ZSCAN18: variants seen among roughly 807,000 people sequenced by gnomAD.
ZSCAN18 encodes the protein zinc finger and SCAN domain-containing protein 18.
A neutral mutation model predicts 31.1 loss-of-function variants in ZSCAN18; 16 were observed. The ratio of observed to expected loss-of-function variants is 0.51; its 90% CI spans 0.35 to 0.78. ZSCAN18 has a LOEUF of 0.78. ZSCAN18 is among the 30% of genes least tolerant of loss of function. ZSCAN18 has a pLI of 0.01. For synonymous variants in ZSCAN18, 375 were observed against 320.7 expected (o/e 1.17, Z -1.81); for missense variants, 731 against 697.4 (o/e 1.05, Z -0.54).
At chr19:58,085,708 T>C in intron 6 of ZSCAN18, 1 of 408,298 alleles carries the variant, frequency 2.4e-6, no homozygotes, top group South Asian at 3.8e-5. Context: ...AGATGCACGA[T>C]GCAAGGAGAG....
chr19:58,085,701 T>G (rs1319119762), intron 6 of ZSCAN18: 9 of 418,816 alleles, frequency 2.1e-5, no homozygotes, highest in Non-Finnish European at 3.4e-5. Flanking sequence ...GGCCACAAGA[T>G]GCACGATGCA....
At chr19:58,098,793 C>G (rs925900125), upstream of ZSCAN18, among the ~76,000 whole-genome samples, 7 of 152,174 alleles carry the variant, frequency 4.6e-5, no homozygotes, top group South Asian at 2.1e-4. Flanking sequence ...GACAGAGATA[C>G]AGAGACAGGG....
At position 58,084,727 on chromosome 19, in the gene ZSCAN18, C is replaced by A; in HGVS notation, c.1491G>T (p.Val497=). Reference sequence around the variant, plus strand: ...GGGGTGCGGGGGGAGCCTCGCCCTCCACGCTCTCTGGGGGACCGCCCGCCC... The same window carrying A: ...GGGGTGCGGGGGGAGCCTCGCCCTCAACGCTCTCTGGGGGACCGCCCGCCC... ...GARAGGPPES[V]EGEAPPAPPE... Residue 497 remains valine, a synonymous_variant, in exon 7 of 7, where the codon GTG becomes GTT. Transcript: ENST00000601144. This position sits in a 1 kb window ranked among gnomAD's most constrained non-coding sequence, Gnocchi z 4.5. 1 of 1,528,312 alleles carries A rather than the reference C, an allele frequency of 6.5e-7. No homozygotes were observed. The highest frequency in any genetic ancestry group is 8.7e-7 in the Non-Finnish European group (1 of 1,147,602). The allele number at this position is 1,528,312 out of a possible 1,614,324, so 94.7% of individuals were successfully genotyped here.
At chr19:58,117,126 T>C (rs34521752) in intron 1 of ZSCAN18, among the ~76,000 whole-genome samples, 72 of 152,208 alleles carry the variant, frequency 4.7e-4, no homozygotes, top group Non-Finnish European at 8.7e-4. Flanking sequence ...ATTCTGGAAA[T>C]ATCTTAAAGG....
At position 58,084,454 on chromosome 19, in the gene ZSCAN18, G is replaced by A. The variant is rs756282210; in HGVS notation, c.*231C>T. The A allele has an allele frequency of 6.8e-6, 3 of 443,918 alleles. No homozygotes were observed. The highest frequency in any genetic ancestry group is 1.2e-5 in the Non-Finnish European group (3 of 255,442). 27.5% of individuals were successfully genotyped at this position (443,918 alleles called of 1,614,324 possible). A position where few individuals can be genotyped will look rare whatever the true frequency, so the allele number is the denominator to read the frequency against. On this transcript the variant is annotated 3_prime_UTR_variant, in exon 7 of 7. Coordinates refer to ENST00000601144, the MANE Select transcript of ZSCAN18 (RefSeq NM_001145543.2). This position sits in a 1 kb window ranked among gnomAD's most constrained non-coding sequence, Gnocchi z 4.5. Reference sequence around the variant, plus strand: ...AGCCGAGTCTTCTTCCACATCCGGCGGCTCCCCTCGGATGCGAGCGCTGGC... The same window carrying A: ...AGCCGAGTCTTCTTCCACATCCGGCAGCTCCCCTCGGATGCGAGCGCTGGC...
In ZSCAN18 at chr19:58,085,040, C is replaced by A; in HGVS notation, c.1178G>T (p.Gly393Val). 2 of 1,595,430 alleles carry A rather than the reference C, an allele frequency of 1.3e-6. No individual in the cohort carries two copies. Among genetic ancestry groups the A allele is most frequent in the Non-Finnish European group, 8.5e-7 (1 of 1,170,450 alleles). ...EGVSSSGDSA[G>V]LEAGQGPGAD... is the part of the protein sequence containing the mutation. ...CCCAGGGCCCTGCCCGGCCTCCAGC[C>A]CTGCGCTGTCGCCGGAGCTAGAGAC... Residue 393 changes from glycine to valine, a missense_variant, in exon 7 of 7, where the codon GGG becomes GTG. By Grantham distance (109) the Gly-to-Val change is moderately radical. Around this residue, in one of 4 missense-constraint regions of ZSCAN18, gnomAD observed 597 missense variants for 499.5 expected, o/e 1.20. Coordinates refer to ENST00000601144, the MANE Select transcript of ZSCAN18 (RefSeq NM_001145543.2).
In ZSCAN18 at chr19:58,090,394, G is replaced by T. The variant is rs762624566; in HGVS notation, c.-119-8C>A. The T allele has an allele frequency of 9.8e-6, 15 of 1,531,328 alleles. No individual in the cohort carries two copies. Among genetic ancestry groups the T allele is most frequent in the Non-Finnish European group, 1.3e-5 (15 of 1,135,786 alleles). The allele number at this position is 1,531,328 out of a possible 1,614,324, so 94.9% of individuals were successfully genotyped here. A position where few individuals can be genotyped will look rare whatever the true frequency, so the allele number is the denominator to read the frequency against. The stretch of plus-strand genomic sequence containing the variant: ...GTGCCAGAACCCACAGACCTGCAGA[G>T]GACACGGACAAGGCAATGGCCTTGC... On this transcript the variant is annotated splice_region_variant and splice_polypyrimidine_tract_variant and intron_variant, in intron 1 of 6. Coordinates refer to ENST00000601144, the MANE Select transcript of ZSCAN18 (RefSeq NM_001145543.2). This position sits in a 1 kb window ranked among gnomAD's most constrained non-coding sequence, Gnocchi z 4.7.
At chr19:58,085,472 G>C in intron 6 of ZSCAN18, 93 bp from the exon 7 acceptor site, 1 of 1,146,650 alleles carries the variant, frequency 8.7e-7, no homozygotes, top group Non-Finnish European at 1.2e-6. Flanking sequence ...ACAGCGCACA[G>C]GGCTCCGGGC....
intron 1 of ZSCAN18, among the ~76,000 whole-genome samples, chr19:58,116,881 G>C (rs1024487144): frequency 3.3e-5 from 5 of 152,116 alleles, no homozygotes; most frequent in Non-Finnish European, 5.9e-5. Context: ...CTAAATTCTG[G>C]AAATATCTTT....
At chr19:58,102,940 T>G (rs1166731038), upstream of ZSCAN18, among the ~76,000 whole-genome samples, 4 of 152,084 alleles carry the variant, frequency 2.6e-5, no homozygotes, top group Admixed American at 1.3e-4. Context: ...AAGACCAGCC[T>G]GGCAAAACCT....
intron 1 of ZSCAN18, among the ~76,000 whole-genome samples, chr19:58,095,614 C>T (rs774850954): frequency 2.0e-5 from 3 of 152,152 alleles, no homozygotes; most frequent in Non-Finnish European, 2.9e-5. Flanking sequence ...GTGGAGGCAT[C>T]GGGGTCTAGG....
In ZSCAN18 at chr19:58,085,207, G is replaced by A; in HGVS notation, c.1011C>T (p.Asp337=). The A allele has an allele frequency of 1.2e-6, 2 of 1,609,120 alleles. No homozygotes were observed. The highest frequency in any genetic ancestry group is 1.7e-6 in the Non-Finnish European group (2 of 1,179,368). The change falls in exon 7 of 7, where the codon GAC becomes GAT. Residue 337 remains aspartate, a synonymous_variant. Coordinates refer to ENST00000601144, the MANE Select transcript of ZSCAN18 (RefSeq NM_001145543.2). ...EQPGKAPDPQ[D]PQDAESDSAT... is the part of the protein sequence containing the mutation. ...CAGAGTCGGACTCCGCGTCCTGGGG[G>A]TCCTGCGGGTCCGGGGCCTTCCCAG... is the stretch of plus-strand genomic sequence containing the variant.
At chr19:58,116,581 C>T (rs1433044187) in intron 1 of ZSCAN18, among the ~76,000 whole-genome samples, 1 of 152,116 alleles carries the variant, frequency 6.6e-6, no homozygotes, top group Non-Finnish European at 1.5e-5. Context: ...ATCCACTGCC[C>T]ACAACTCAAA....
upstream of ZSCAN18, among the ~76,000 whole-genome samples, chr19:58,100,108 G>A (rs138065176): frequency 4.5e-3 from 671 of 150,528 alleles, 2 homozygotes; most frequent in Non-Finnish European, 7.2e-3. Context: ...ACAGGTGTGC[G>A]CTACCATACC....
upstream of ZSCAN18, among the ~76,000 whole-genome samples, chr19:58,101,396 G>A (rs1211528799): frequency 6.9e-6 from 1 of 143,888 alleles, no homozygotes; most frequent in Non-Finnish European, 1.5e-5. Flanking sequence ...TGATCCACCC[G>A]CCTTGGCCTC....
upstream of ZSCAN18, among the ~76,000 whole-genome samples, chr19:58,100,824 G>A (rs761487031): frequency 2.6e-5 from 4 of 151,648 alleles, no homozygotes; most frequent in Non-Finnish European, 5.9e-5. Context: ...GCAGTGAGTT[G>A]AGATCGCACC....
At chr19:58,100,517 G>A (rs1037612185), upstream of ZSCAN18, among the ~76,000 whole-genome samples, 2 of 152,084 alleles carry the variant, frequency 1.3e-5, no homozygotes, top group African/African-American at 4.8e-5. Flanking sequence ...CATAAACTCA[G>A]GTGTGGTCGA....
intron 1 of ZSCAN18, among the ~76,000 whole-genome samples, chr19:58,115,625 A>T (rs1011191538): frequency 6.6e-6 from 1 of 152,254 alleles, no homozygotes; most frequent in Non-Finnish European, 1.5e-5. Context: ...AAGAAATGCC[A>T]CAGCCTCTCT....
chr19:58,108,034 T>C (rs1459917097), intron 1 of ZSCAN18: 1 of 1,015,460 alleles, frequency 9.8e-7, no homozygotes, highest in Non-Finnish European at 1.2e-6. Context: ...ATGAATCCTC[T>C]TGTGCCTGAT....
Sources: allele counts gnomAD v4.1 joint callset (sites outside exome capture counted in the v4.1 genomes callset), GRCh38; gene constraint gnomAD v4.1.1; regional missense constraint gnomAD v4.1.1; non-coding constraint Gnocchi (gnomAD v3.1); transcripts MANE v1.5; gene names NCBI Gene and HGNC (gene_info 2026-07-23, HGNC 2026-07-21).